PCGF2: variants seen among roughly 807,000 people sequenced by gnomAD.
The protein encoded by PCGF2 is polycomb group RING finger protein 2.
PCGF2 carries 8 observed loss-of-function variants against 36.1 expected under a neutral mutation model. The observed-to-expected ratio is 0.22, with a 90% CI of 0.13 to 0.40. The LOEUF (loss-of-function observed/expected upper bound fraction) is 0.40. Ranked by LOEUF, PCGF2 falls within the 10% of genes least tolerant of loss-of-function variation. The pLI is 1.00. For synonymous variants in PCGF2, 198 were observed against 191.2 expected (o/e 1.04, Z -0.29); for missense variants, 436 against 475.9 (o/e 0.92, Z 0.78).
rs959471127 is a variant in PCGF2 at position 38,739,853 on chromosome 17, G to T, written c.113-171C>A. 6.6e-6 allele frequency among the ~76,000 whole-genome samples: 1 copy of T among 152,162 alleles called. No individual in the cohort carries two copies. The highest frequency in any genetic ancestry group is 1.5e-5 in the Non-Finnish European group (1 of 68,040). Reference sequence around the variant, plus strand: ...CGTGTGGTACCTGTCCTTGTGCACTGTTGAGGGAAGCTGGATCTTGTGTGA... The same window carrying T: ...CGTGTGGTACCTGTCCTTGTGCACTTTTGAGGGAAGCTGGATCTTGTGTGA... On this transcript the variant is annotated intron_variant, in intron 3 of 10. Coordinates refer to ENST00000620225, the MANE Select transcript of PCGF2 (RefSeq NM_007144.3). The surrounding 1 kb of genome is among the most constrained non-coding windows in gnomAD (Gnocchi z 4.0).
At position 38,735,284 on chromosome 17, in the gene PCGF2, G is replaced by T; in HGVS notation, c.974C>A (p.Ser325Tyr). ...GGSLNCLQTP[S>Y]STSRGRKMTV... is the part of the protein sequence containing the mutation. ...CATCTTGCGCCCCCTGCTGGTGGAGGATGGTGTCTGCAGGCAGTTCAAGCT... is the reference window on the plus strand; with the variant it reads ...CATCTTGCGCCCCCTGCTGGTGGAGTATGGTGTCTGCAGGCAGTTCAAGCT... The change falls in exon 11 of 11, where the codon TCC becomes TAC. Residue 325 changes from serine to tyrosine, a missense_variant. Around this residue, in one of 3 missense-constraint regions of PCGF2, gnomAD observed 227 missense variants for 212.9 expected, o/e 1.07. Coordinates refer to ENST00000620225, the MANE Select transcript of PCGF2 (RefSeq NM_007144.3). The T allele has an allele frequency of 6.7e-7, 1 of 1,487,632 alleles. No homozygotes were observed. The highest frequency in any genetic ancestry group is 9.0e-7 in the Non-Finnish European group (1 of 1,108,238). The allele number at this position is 1,487,632 out of a possible 1,614,324, so 92.2% of individuals were successfully genotyped here.
intron 2 of PCGF2, among the ~76,000 whole-genome samples, chr17:38,744,548 G>A (rs1431232289): frequency 1.3e-5 from 2 of 152,038 alleles, no homozygotes; most frequent in African/African-American, 4.8e-5. Flanking sequence ...TAGAGACAGG[G>A]TTTCACCATG....
rs530992009 is a variant in PCGF2, at chr17:38,738,977, C to T, written c.316+91G>A. On this transcript the variant is annotated intron_variant, in intron 6 of 10. Coordinates refer to ENST00000620225, the MANE Select transcript of PCGF2 (RefSeq NM_007144.3). ...CAGCCACCTTCTGGAGAGGTGTGCG[C>T]GGAGGAGGTCAGAGGGTGAGGGGTA... is the stretch of plus-strand genomic sequence containing the variant. 100 of 1,542,104 alleles carry T rather than the reference C, an allele frequency of 6.5e-5. No homozygotes were observed. In the Middle Eastern group the frequency reaches 1.6e-3, roughly 25 times the overall value.
At chr17:38,737,910 CAAAAAA>C (rs57011839) in intron 9 of PCGF2, among the ~76,000 whole-genome samples, 1 of 89,296 alleles carries the variant, frequency 1.1e-5, no homozygotes. Flanking sequence ...GACTCCATCT[CAAAAAA>C]AAAAAAAAAA....
At position 38,735,604 on chromosome 17, in the gene PCGF2, CG is replaced by C; in HGVS notation, c.658-5del. Reference sequence around the variant, plus strand: ...ACTTGAGGGGGAGAGGCCCGTTCTGCGGGGAGAGTGGGGAGGAGAGACACAG... The same window carrying C: ...ACTTGAGGGGGAGAGGCCCGTTCTGCGGGAGAGTGGGGAGGAGAGACACAG... On this transcript the variant is annotated splice_polypyrimidine_tract_variant and splice_region_variant and intron_variant, in intron 10 of 10. Transcript: ENST00000620225. 1.3e-6 allele frequency: 2 copies of C among 1,548,310 alleles called. No individual in the cohort carries two copies. The highest frequency in any genetic ancestry group is 2.3e-5 in the East Asian group (1 of 42,922).
chr17:38,735,702 G>GA (rs1159649612), intron 10 of PCGF2, 102 bp from the exon 11 acceptor site: 189 of 1,399,524 alleles, frequency 1.4e-4, no homozygotes, highest in Non-Finnish European at 1.7e-4. Flanking sequence ...GTCCAAACTC[G>GA]AAAAAAGGGA....
In PCGF2 at chr17:38,745,318, C is replaced by T. The variant is rs188715347; in HGVS notation, c.-41+2561G>A. The stretch of plus-strand genomic sequence containing the variant: ...CTGCACTCCAGCCTGGGCAACAGAG[C>T]GAGACTCTGTCTCAAACAAACAAAC... On this transcript the variant is annotated intron_variant, in intron 2 of 10. Coordinates refer to ENST00000620225, the MANE Select transcript of PCGF2 (RefSeq NM_007144.3). Among the ~76,000 whole-genome samples, 28 of 151,910 alleles carry T rather than the reference C, an allele frequency of 1.8e-4. No homozygotes were observed. In the East Asian group the frequency reaches 4.8e-3, roughly 26 times the overall value.
chr17:38,737,996 C>T (rs1378170250), intron 9 of PCGF2, among the ~76,000 whole-genome samples: 1 of 151,536 alleles, frequency 6.6e-6, no homozygotes, highest in Non-Finnish European at 1.5e-5. Flanking sequence ...GACACATATA[C>T]ATTCAAGCTT....
intron 3 of PCGF2, 70 bp downstream of exon 3, chr17:38,740,217 TCCTC>T: frequency 1.5e-6 from 2 of 1,347,548 alleles, no homozygotes; most frequent in Non-Finnish European, 2.1e-6. Context: ...CGTGCTACCT[TCCTC>T]AGGCCGTGCC....
In PCGF2 at chr17:38,738,832, C is replaced by T. The variant is rs779878626; in HGVS notation, c.346G>A (p.Glu116Lys). The T allele has an allele frequency of 2.3e-5, 37 of 1,613,912 alleles. No homozygotes were observed. Among genetic ancestry groups the T allele is most frequent in the Admixed American group, 2.0e-4 (12 of 59,994 alleles). Residue 116 changes from glutamate to lysine, a missense_variant, in exon 7 of 11, where the codon GAG (glutamate) becomes AAG (lysine). By Grantham distance (56) the Glu-to-Lys change is moderately conservative. This residue lies in a region of PCGF2 where 189 missense variants were observed against 219.3 expected (regional missense o/e 0.86). Transcript: ENST00000620225. ...GCCCCCTTCTCCTGCTCCAAGACCT[C>T]GCCGCGGTCCTCATTGGAGCCGTTG... The part of the protein sequence containing the change: ...VPNGSNEDRG[E>K]VLEQEKGALS...
chr17:38,749,685 C>T (rs927398623), upstream of PCGF2: 2 of 456,066 alleles, frequency 4.4e-6, no homozygotes, highest in East Asian at 7.0e-5. The surrounding 1 kb of genome is among the most constrained non-coding windows in gnomAD (Gnocchi z 6.5). Context: ...CCTGCCTCCT[C>T]TTCCCTCGTT....
chr17:38,738,735 A>C lies in PCGF2; in HGVS notation c.425+18T>G, dbSNP rs1242406773. 1 of 1,604,710 alleles carries C rather than the reference A, an allele frequency of 6.2e-7. No individual in the cohort carries two copies. Among genetic ancestry groups the C allele is most frequent in the Non-Finnish European group, 8.5e-7 (1 of 1,171,480 alleles). Reference sequence around the variant, plus strand: ...CCAGACTAGGAACCCAGAAGGGGCCAGCCTGGGCCAGACTTGCCTGGCACC... The same window carrying C: ...CCAGACTAGGAACCCAGAAGGGGCCCGCCTGGGCCAGACTTGCCTGGCACC... On this transcript the variant is annotated intron_variant, in intron 7 of 10. Coordinates refer to ENST00000620225, the MANE Select transcript of PCGF2 (RefSeq NM_007144.3).
intron 9 of PCGF2, 29 bp downstream of exon 9, chr17:38,738,324 C>G: frequency 6.4e-7 from 1 of 1,565,254 alleles, no homozygotes; most frequent in Non-Finnish European, 8.8e-7. Flanking sequence ...TACACAGACA[C>G]TCATTTTTTG....
chr17:38,745,919 C>T (rs1231067286), intron 2 of PCGF2, among the ~76,000 whole-genome samples: 1 of 152,212 alleles, frequency 6.6e-6, no homozygotes, highest in African/African-American at 2.4e-5. Context: ...GAAGCACAGC[C>T]AGCCAGAGTA....
chr17:38,748,549 G>T (rs927393913), upstream of PCGF2, among the ~76,000 whole-genome samples: 1 of 152,158 alleles, frequency 6.6e-6, no homozygotes, highest in African/African-American at 2.4e-5. Flanking sequence ...CGGCTGCCGG[G>T]TCCCTAGCCA....
intron 9 of PCGF2, 113 bp downstream of exon 9, chr17:38,738,240 A>G: frequency 1.2e-6 from 1 of 868,124 alleles, no homozygotes; most frequent in Non-Finnish European, 1.9e-6. Flanking sequence ...GGCTCAGTTA[A>G]CCGCGCAAGC....
intron 2 of PCGF2, among the ~76,000 whole-genome samples, chr17:38,742,776 C>T (rs1907284312): frequency 6.6e-6 from 1 of 152,166 alleles, no homozygotes; most frequent in African/African-American, 2.4e-5. Context: ...TCTCTCTGAG[C>T]GTGTGTAATA....
At chr17:38,736,045 A>T in intron 10 of PCGF2, 45 bp downstream of exon 10, 3 of 1,298,442 alleles carry the variant, frequency 2.3e-6, no homozygotes, top group Non-Finnish European at 3.3e-6. Flanking sequence ...CCTATGCCAG[A>T]CCCTGTGGGA....
Position 38,735,263 on chromosome 17 carries a change from T to G in PCGF2, c.995A>C (p.Lys332Thr), listed in dbSNP as rs1906595700. 2 of 1,466,694 alleles carry G rather than the reference T, an allele frequency of 1.4e-6. No individual in the cohort carries two copies. The highest frequency in any genetic ancestry group is 1.4e-5 in the African/African-American group (1 of 71,362). The allele number at this position is 1,466,694 out of a possible 1,614,324, so 90.9% of individuals were successfully genotyped here. ...QTPSSTSRGR[K>T]MTVNGAPVPP... ...CACGGGAGCGCCGTTGACAGTCATC[T>G]TGCGCCCCCTGCTGGTGGAGGATGG... Residue 332 changes from lysine to threonine, a missense_variant, in exon 11 of 11, where the codon AAG becomes ACG. Physicochemically the swap from Lys to Thr is moderately conservative, Grantham distance 78. This residue lies in a region of PCGF2 where 227 missense variants were observed against 212.9 expected (regional missense o/e 1.07). Transcript: ENST00000620225.
Sources: allele counts gnomAD v4.1 joint callset (sites outside exome capture counted in the v4.1 genomes callset), GRCh38; gene constraint gnomAD v4.1.1; regional missense constraint gnomAD v4.1.1; non-coding constraint Gnocchi (gnomAD v3.1); transcripts MANE v1.5; gene names NCBI Gene and HGNC (gene_info 2026-07-23, HGNC 2026-07-21).